Variants in SATB2 observed in about 807,000 individuals in gnomAD.
The protein encoded by SATB2 is DNA-binding protein SATB2.
A neutral mutation model predicts 73.4 loss-of-function variants in SATB2; 1 was observed. That is an observed-to-expected ratio of 0.01 (90% CI 0.00 to 0.06). The LOEUF is 0.06. Ranked by LOEUF, SATB2 falls within the 10% of genes least tolerant of loss-of-function variation. The pLI, the probability that SATB2 is intolerant of heterozygous loss-of-function variation, is 1.00. For missense variants in SATB2, 459 were observed against 945.8 expected, an observed-to-expected ratio of 0.49 and a Z score of 6.75; for synonymous variants, 397 against 367.0, an observed-to-expected ratio of 1.08 and a Z score of -0.93.
At chr2:199,278,959 T>C (rs1692399406) in intron 10 of SATB2, among the ~76,000 whole-genome samples, 1 of 152,206 alleles carries the variant, frequency 6.6e-6, no homozygotes, top group Non-Finnish European at 1.5e-5. Flanking sequence ...ATTGGACCTA[T>C]TAATTTACAC....
At chr2:199,289,075 G>A (rs1250295272) in intron 10 of SATB2, among the ~76,000 whole-genome samples, 1 of 152,110 alleles carries the variant, frequency 6.6e-6, no homozygotes, top group Non-Finnish European at 1.5e-5. Context: ...AAATATGTGA[G>A]GTAGAAACTT....
chr2:199,324,884 G>A (rs1354043604), intron 8 of SATB2, among the ~76,000 whole-genome samples: 2 of 152,148 alleles, frequency 1.3e-5, no homozygotes, highest in Non-Finnish European at 2.9e-5. Context: ...AGCCGAATTG[G>A]CCTAACCTGG....
In SATB2 at chr2:199,373,912, G is replaced by A. The variant is rs116147801; in HGVS notation, c.598-5205C>T. On this transcript the variant is annotated intron_variant, in intron 5 of 10. Transcript: ENST00000417098. ...TACATGAACTTAGGTTAAATTAAAC[G>A]GACAGTTGGCAACCAGTTACCATGA... Among the ~76,000 whole-genome samples, 338 of 152,258 alleles carry A rather than the reference G, an allele frequency of 2.2e-3. 2 individuals are homozygous for A. Among genetic ancestry groups the A allele is most frequent in the African/African-American group, 7.4e-3 (308 of 41,560 alleles).
intron 10 of SATB2, among the ~76,000 whole-genome samples, chr2:199,292,415 T>TC (rs1692895811): frequency 6.6e-6 from 1 of 152,224 alleles, no homozygotes; most frequent in Non-Finnish European, 1.5e-5. Context: ...GGCAAATGTA[T>TC]TCAAGCCATG....
intron 6 of SATB2, among the ~76,000 whole-genome samples, chr2:199,366,922 A>AC (rs1491287311): frequency 1.3e-5 from 2 of 150,434 alleles, no homozygotes; most frequent in Non-Finnish European, 2.9e-5. Flanking sequence ...ACACACACAC[A>AC]AACACACACA....
intron 3 of SATB2, among the ~76,000 whole-genome samples, chr2:199,386,070 T>C (rs1368936429): frequency 6.6e-6 from 1 of 152,100 alleles, no homozygotes; most frequent in South Asian, 2.1e-4. Context: ...ATAACAACAA[T>C]AAAGCAAAAC....
At chr2:199,300,256 C>T (rs1687242741) in intron 10 of SATB2, among the ~76,000 whole-genome samples, 1 of 151,316 alleles carries the variant, frequency 6.6e-6, no homozygotes, top group South Asian at 2.1e-4. Context: ...ATTGAGTTGA[C>T]CAATAGGACA....
chr2:199,382,434 CT>C (rs1019992299), intron 3 of SATB2, among the ~76,000 whole-genome samples: 2 of 152,062 alleles, frequency 1.3e-5, no homozygotes, highest in South Asian at 4.2e-4. Context: ...AAGTTCCTTT[CT>C]TTTTTTTATT....
chr2:199,333,092 G>A (rs1182800019), intron 7 of SATB2, among the ~76,000 whole-genome samples: 6 of 151,580 alleles, frequency 4.0e-5, no homozygotes, highest in Non-Finnish European at 8.8e-5. Flanking sequence ...TACCTCAGAA[G>A]CCCCTAAATC....
chr2:199,386,097 A>G (rs1466613686), intron 3 of SATB2, among the ~76,000 whole-genome samples: 1 of 152,222 alleles, frequency 6.6e-6, no homozygotes, highest in Non-Finnish European at 1.5e-5. Flanking sequence ...AGATTAATTT[A>G]TACAAGTTGA....
chr2:199,362,419 A>G (rs528976257), intron 6 of SATB2, among the ~76,000 whole-genome samples: 4 of 134,690 alleles, frequency 3.0e-5, no homozygotes, highest in Admixed American at 8.5e-5. Context: ...CTATGCCACC[A>G]TTACACTAGT....
upstream of SATB2, among the ~76,000 whole-genome samples, chr2:199,469,153 T>C (rs983084808): frequency 1.3e-5 from 2 of 151,706 alleles, no homozygotes; most frequent in Non-Finnish European, 2.9e-5. Flanking sequence ...GAAGGGAGGG[T>C]GAAGGAGGAG....
At chr2:199,362,305 G>A (rs1056018000) in intron 6 of SATB2, among the ~76,000 whole-genome samples, 2 of 151,982 alleles carry the variant, frequency 1.3e-5, no homozygotes, top group Non-Finnish European at 2.9e-5. Flanking sequence ...CCTTGCTGCA[G>A]TAACTCCACT....
intron 10 of SATB2, among the ~76,000 whole-genome samples, chr2:199,306,635 G>GAAA (rs1687440967): frequency 6.6e-6 from 1 of 152,128 alleles, no homozygotes; most frequent in Admixed American, 6.5e-5. Context: ...CATACTAATA[G>GAAA]AAAAGATAAT....
At chr2:199,331,779 G>A (rs1688198409) in intron 7 of SATB2, among the ~76,000 whole-genome samples, 1 of 152,088 alleles carries the variant, frequency 6.6e-6, no homozygotes, top group African/African-American at 2.4e-5. Context: ...AAAATCAGAA[G>A]AAAATAGACA....
At chr2:199,458,844 C>T (rs573528123), upstream of SATB2, 2 of 301,080 alleles carry the variant, frequency 6.6e-6, no homozygotes, top group South Asian at 2.4e-5. Flanking sequence ...CCGAGCCGAA[C>T]GTCCCGGCCC....
At chr2:199,274,635 C>T (rs1692256182) in intron 10 of SATB2, among the ~76,000 whole-genome samples, 1 of 152,148 alleles carries the variant, frequency 6.6e-6, no homozygotes. Flanking sequence ...ATCCTAAGCA[C>T]AGGACTATAA....
intron 8 of SATB2, among the ~76,000 whole-genome samples, chr2:199,326,653 TA>T (rs1312843626): frequency 1.3e-5 from 2 of 152,156 alleles, no homozygotes; most frequent in Non-Finnish European, 2.9e-5. Context: ...GGCTCTTCTA[TA>T]ATGGTTTAAT....
At chr2:199,419,016 G>A (rs1017873481) in intron 3 of SATB2, among the ~76,000 whole-genome samples, 3 of 152,078 alleles carry the variant, frequency 2.0e-5, no homozygotes, top group East Asian at 1.9e-4. Context: ...ACTGGTAATC[G>A]ACCCACATCA....
Sources: allele counts gnomAD v4.1 joint callset (sites outside exome capture counted in the v4.1 genomes callset), GRCh38; gene constraint gnomAD v4.1.1; transcripts MANE v1.5; gene names NCBI Gene and HGNC (gene_info 2026-07-23, HGNC 2026-07-21).